The following DNAH10 variants were observed in gnomAD, a reference collection of about 807,000 sequenced individuals.
The protein encoded by DNAH10 is dynein axonemal heavy chain 10, also known as axonemal beta dynein heavy chain 10.
In DNAH10, 348 loss-of-function variants were observed where a neutral mutation model predicts 506.6. The observed-to-expected ratio is 0.69, with a 90% confidence interval of 0.63 to 0.75. The LOEUF (loss-of-function observed/expected upper bound fraction) is 0.75, where lower values mean the gene tolerates loss of function less well. Ranked by LOEUF, DNAH10 falls within the 30% of genes least tolerant of loss-of-function variation. DNAH10 has a pLI of 0.00. For missense variants in DNAH10, 5,179 were observed against 5,787.1 expected (o/e 0.89, Z 3.41); for synonymous variants, 2,059 against 2,198.6 (o/e 0.94, Z 1.78).
rs746279747 is a variant in DNAH10, at chr12:123,845,547, G to C, written c.5361-53G>C. ...ATAAATTCCTGAAGGGACTGTTTTG[G>C]GTACCAGTCCCCGGATTGATCAGAG... On this transcript the variant is annotated intron_variant, in intron 30 of 78. Coordinates refer to ENST00000673944, the MANE Select transcript of DNAH10 (RefSeq NM_001372106.1). 2.3e-5 allele frequency: 37 copies of C among 1,591,974 alleles called. No individual in the cohort carries two copies. In the Admixed American group the frequency reaches 5.6e-4, roughly 24 times the overall value.
At chr12:123,795,872 G>T (rs1565912945) in intron 12 of DNAH10, among the ~76,000 whole-genome samples, 2 of 152,092 alleles carry the variant, frequency 1.3e-5, no homozygotes, top group Admixed American at 6.6e-5. Context: ...AGTATAATTG[G>T]ATTGTTTTTA....
At position 123,881,711 on chromosome 12, in the gene DNAH10, C is replaced by T. The variant is rs1400280299; in HGVS notation, c.8721C>T (p.His2907=). 2 of 1,549,980 alleles carry T rather than the reference C, an allele frequency of 1.3e-6. No individual in the cohort carries two copies. The highest frequency in any genetic ancestry group is 2.0e-5 in the Admixed American group (1 of 50,554). Residue 2907 remains histidine, a synonymous_variant, in exon 51 of 79, where the codon CAC becomes CAT. Coordinates refer to ENST00000673944, the MANE Select transcript of DNAH10 (RefSeq NM_001372106.1). ...CTCTGGAGCATTTAACCCGGGTGCA[C>T]CGTATCATCCGCATGGACCGCGGCC... ...DDALEHLTRV[H]RIIRMDRGHA...
In DNAH10 at chr12:123,853,091, G is replaced by C. The variant is rs532146901; in HGVS notation, c.6292-115G>C. On this transcript the variant is annotated intron_variant, in intron 35 of 78. Transcript: ENST00000673944. The surrounding 1 kb of genome is among the most constrained non-coding windows in gnomAD (Gnocchi z 4.7). ...GAGATGGAATTTGCTTATTTGTAGA[G>C]CAGCTGCACTGGAACACCTGCCCCC... 165 of 1,138,626 alleles carry C rather than the reference G, an allele frequency of 1.4e-4. No individual in the cohort carries two copies. In the African/African-American group the frequency reaches 2.3e-3, roughly 16 times the overall value. 70.5% of individuals were successfully genotyped at this position (1,138,626 alleles called of 1,614,324 possible). A position where few individuals can be genotyped will look rare whatever the true frequency, so the allele number is the denominator to read the frequency against.
chr12:123,841,386 C>T lies in DNAH10; in HGVS notation c.5201C>T (p.Ala1734Val), dbSNP rs1381541351. Residue 1734 changes from alanine to valine, a missense_variant, in exon 30 of 79, where the codon GCG (alanine) becomes GTG (valine). By Grantham distance (64) the Ala-to-Val change is moderately conservative (BLOSUM62 0). This residue lies in a region of DNAH10 where 4,844 missense variants were observed against 5,430.5 expected (regional missense o/e 0.89). Coordinates refer to ENST00000673944, the MANE Select transcript of DNAH10 (RefSeq NM_001372106.1). ...DGDSGEKLVS[A>V]MISAEGEVME... ...GATAGTGGAGAAAAACTGGTGTCCG[C>T]GATGATTTCAGCAGAAGGAGAAGTC... The T allele has an allele frequency of 2.5e-6, 4 of 1,613,792 alleles. No individual in the cohort carries two copies. The highest frequency in any genetic ancestry group is 4.5e-5 in the East Asian group (2 of 44,888).
chr12:123,910,339 C>T (rs567619579), intron 58 of DNAH10, among the ~76,000 whole-genome samples, 197 bp from the exon 59 acceptor site: 1 of 152,186 alleles, frequency 6.6e-6, no homozygotes, highest in Non-Finnish European at 1.5e-5. Flanking sequence ...AAACCATGTC[C>T]CTTGCCCACA....
intron 45 of DNAH10, among the ~76,000 whole-genome samples, chr12:123,872,604 T>A (rs1952079449): frequency 6.6e-6 from 1 of 151,324 alleles, no homozygotes; most frequent in African/African-American, 2.4e-5. Flanking sequence ...TCTCAAAGTG[T>A]GGTCCCCAGA....
At chr12:123,857,738 G>A (rs1393151308) in intron 37 of DNAH10, among the ~76,000 whole-genome samples, 14 of 151,984 alleles carry the variant, frequency 9.2e-5, no homozygotes, top group Admixed American at 9.2e-4. Flanking sequence ...AAAAATAAAA[G>A]AAAAAAGAAA....
At chr12:123,843,671 A>C (rs1260391298) in intron 30 of DNAH10, among the ~76,000 whole-genome samples, 1 of 152,128 alleles carries the variant, frequency 6.6e-6, no homozygotes, top group African/African-American at 2.4e-5. Context: ...TCCGCCTTCC[A>C]GGTTCAAGCG....
At chr12:123,934,064 C>T (rs774943314) in intron 77 of DNAH10, 7 of 562,048 alleles carry the variant, frequency 1.2e-5, no homozygotes, top group Non-Finnish European at 1.9e-5. Flanking sequence ...TGGGGACTTA[C>T]GGTAAAGATG....
In DNAH10 at chr12:123,830,704, G is replaced by T. The variant is rs1258058922; in HGVS notation, c.4545+5G>T. On this transcript the variant is annotated splice_donor_5th_base_variant and intron_variant, in intron 26 of 78. Transcript: ENST00000673944. Reference sequence around the variant, plus strand: ...AAGGAGGTTGCCATTGAGAAGGTAAGACTTCAGTTAAAAACAGGCTGGAGA... The same window carrying T: ...AAGGAGGTTGCCATTGAGAAGGTAATACTTCAGTTAAAAACAGGCTGGAGA... 1.3e-6 allele frequency: 2 copies of T among 1,599,620 alleles called. No individual in the cohort carries two copies. The highest frequency in any genetic ancestry group is 2.3e-5 in the South Asian group (2 of 87,756).
chr12:123,893,554 G>A (rs1217138967), intron 53 of DNAH10, 118 bp downstream of exon 53: 1 of 1,135,528 alleles, frequency 8.8e-7, no homozygotes, highest in Non-Finnish European at 1.3e-6. Context: ...CGGCCATTAG[G>A]TGGAAATGTG....
At chr12:123,877,643 A>G in intron 47 of DNAH10, 93 bp from the exon 48 acceptor site, 4 of 1,450,482 alleles carry the variant, frequency 2.8e-6, no homozygotes, top group Non-Finnish European at 3.7e-6. Context: ...TAGCTTAGTA[A>G]TAGTCCATTG....
chr12:123,801,369 C>T lies in DNAH10; in HGVS notation c.2551C>T (p.His851Tyr). 1 of 1,614,190 alleles carries T rather than the reference C, an allele frequency of 6.2e-7. No individual in the cohort carries two copies. The highest frequency in any genetic ancestry group is 8.5e-7 in the Non-Finnish European group (1 of 1,180,040). ...TGCGGAGTCTGTGCTTCTCAAAGAT[C>T]ATTCCCAGGAACTGCTCCGAGTGTT... ...NDAESVLLKD[H>Y]SQELLRVFRS... The change falls in exon 16 of 79, where the codon CAT becomes TAT. Residue 851 changes from histidine to tyrosine, a missense_variant. Around this residue, in one of 3 missense-constraint regions of DNAH10, gnomAD observed 4,844 missense variants for 5,430.5 expected, o/e 0.89. Coordinates refer to ENST00000673944, the MANE Select transcript of DNAH10 (RefSeq NM_001372106.1).
At position 123,926,237 on chromosome 12, in the gene DNAH10, T is replaced by A. The variant is rs544607483; in HGVS notation, c.11922-400T>A. Reference sequence around the variant, plus strand: ...CAGAGTGAGATTATATATTTCAATTTAAAAAAAAAAAAAAAAAAGAAAAAG... The same window carrying A: ...CAGAGTGAGATTATATATTTCAATTAAAAAAAAAAAAAAAAAAAGAAAAAG... On this transcript the variant is annotated intron_variant, in intron 68 of 78. Transcript: ENST00000673944. This position sits in a 1 kb window ranked among gnomAD's most constrained non-coding sequence, Gnocchi z 4.1. Among the ~76,000 whole-genome samples the A allele has an allele frequency of 4.7e-3, 513 of 108,240 alleles. 1 individual carries two copies. The highest frequency in any genetic ancestry group is 9.0e-3 in the Middle Eastern group (2 of 222). The allele number at this position is 108,240 out of a possible 152,430, so 71.0% of individuals were successfully genotyped here.
At chr12:123,804,519 C>T (rs1280350210) in intron 17 of DNAH10, among the ~76,000 whole-genome samples, 3 of 147,520 alleles carry the variant, frequency 2.0e-5, no homozygotes, top group East Asian at 2.0e-4. Context: ...CAGAGTGAGA[C>T]TCCGTCTCAA....
rs1957359588 is a variant in DNAH10, at chr12:123,774,300, TA to T, written c.621+39del. On this transcript the variant is annotated intron_variant, in intron 5 of 78. Coordinates refer to ENST00000673944, the MANE Select transcript of DNAH10 (RefSeq NM_001372106.1). The stretch of plus-strand genomic sequence containing the variant: ...AGAAAGGAAGAAATTCTAGTATTTC[TA>T]AAGTTGAGGTCATGTGGTTTGTTTA... 29 of 1,483,408 alleles carry T rather than the reference TA, an allele frequency of 2.0e-5. No individual in the cohort carries two copies. The East Asian group carries it at 6.4e-4, about 33-fold the overall frequency. The allele number at this position is 1,483,408 out of a possible 1,614,324, so 91.9% of individuals were successfully genotyped here.
chr12:123,800,606 A>G (rs1958446453), intron 15 of DNAH10, among the ~76,000 whole-genome samples: 2 of 151,754 alleles, frequency 1.3e-5, no homozygotes, highest in African/African-American at 4.8e-5. Flanking sequence ...GGATTCCTTG[A>G]ACCTGGGAGA....
rs975500404 is a variant in DNAH10, at chr12:123,762,909, G to GT, written c.214+359_214+360insT. 6.6e-6 allele frequency among the ~76,000 whole-genome samples: 1 copy of GT among 152,154 alleles called. No individual in the cohort carries two copies. Among genetic ancestry groups the GT allele is most frequent in the Non-Finnish European group, 1.5e-5 (1 of 68,036 alleles). On this transcript the variant is annotated intron_variant, in intron 1 of 78. Transcript: ENST00000673944. The surrounding 1 kb of genome is among the most constrained non-coding windows in gnomAD (Gnocchi z 5.0). ...TACAGATGAGCAAACTGGCACGGAG[G>GT]GGGTTAAGTAACCTGCCCAAGGCCC...
In DNAH10 at chr12:123,887,142, G is replaced by A. The variant is rs1952771071; in HGVS notation, c.8824G>A (p.Val2942Met). Reference protein sequence around the residue: ...RLAAFTASCEVFEILLSRGYS... With the variant: ...RLAAFTASCEMFEILLSRGYS... ...CATGTGCTCTGTGTCTGCATCGCAG[G>A]TGTTTGAGATCCTGCTGAGCCGAGG... Residue 2942 changes from valine (V) to methionine (M), a missense_variant and splice_region_variant, in exon 52 of 79, where the codon GTG becomes ATG. Transcript: ENST00000673944. The A allele has an allele frequency of 1.2e-6, 2 of 1,604,158 alleles. No homozygotes were observed. The highest frequency in any genetic ancestry group is 1.1e-5 in the South Asian group (1 of 88,982).
Sources: allele counts gnomAD v4.1 joint callset (sites outside exome capture counted in the v4.1 genomes callset), GRCh38; gene constraint gnomAD v4.1.1; regional missense constraint gnomAD v4.1.1; non-coding constraint Gnocchi (gnomAD v3.1); transcripts MANE v1.5; gene names NCBI Gene and HGNC (gene_info 2026-07-23, HGNC 2026-07-21).